DSCAM: variants seen among roughly 807,000 people sequenced by gnomAD.
The protein encoded by DSCAM is cell adhesion molecule DSCAM.
DSCAM carries 47 observed loss-of-function variants against 217.7 expected under a neutral mutation model. That is an observed-to-expected ratio of 0.22 (90% CI 0.17 to 0.28). The LOEUF (loss-of-function observed/expected upper bound fraction) is 0.28. DSCAM is among the 10% of genes least tolerant of loss of function. The probability of loss-of-function intolerance (pLI) is 1.00; values close to 1 mark genes in which losing one functional copy is unlikely to be tolerated. For synonymous variants in DSCAM, 1,056 were observed against 1,015.3 expected (o/e 1.04, Z -0.76); for missense variants, 2,080 against 2,618.3 (o/e 0.79, Z 4.49).
At chr21:40,369,345 G>T in intron 3 of DSCAM, 100 bp from the exon 4 acceptor site, 2 of 1,215,916 alleles carry the variant, frequency 1.6e-6, no homozygotes, top group South Asian at 3.3e-5. Context: ...CCCACCTGAA[G>T]AAACTTAATG....
intron 3 of DSCAM, among the ~76,000 whole-genome samples, chr21:40,647,898 T>C (rs912958683): frequency 6.6e-6 from 1 of 152,182 alleles, no homozygotes; most frequent in Non-Finnish European, 1.5e-5. Flanking sequence ...GATTCACCCA[T>C]GTGTCTTCCA....
At chr21:40,842,951 G>A (rs2092114948) in intron 1 of DSCAM, among the ~76,000 whole-genome samples, 1 of 152,118 alleles carries the variant, frequency 6.6e-6, no homozygotes. Context: ...TAAGTTAAAA[G>A]GCCTCGGAAT....
rs114268283 is a variant in DSCAM at position 40,296,613 on chromosome 21, C to T, written c.2063-439G>A. ...TTGGGAGTCCGAGGCAAGCAGATCA[C>T]CTGAGGCCTGGAGTTTGAGACCAGT... On this transcript the variant is annotated intron_variant, in intron 9 of 32. Transcript: ENST00000400454. Among the ~76,000 whole-genome samples, 1,088 of 152,160 alleles carry T rather than the reference C, an allele frequency of 7.2e-3. 11 individuals are homozygous for T. Among genetic ancestry groups the T allele is most frequent in the African/African-American group, 0.025 (1,029 of 41,504 alleles).
chr21:40,273,032 G>A (rs767625354), intron 11 of DSCAM, among the ~76,000 whole-genome samples: 1 of 152,110 alleles, frequency 6.6e-6, no homozygotes, highest in African/African-American at 2.4e-5. Flanking sequence ...GGGCCATGGA[G>A]GTCCTCTTTC....
chr21:40,608,405 C>T (rs2089270598), intron 3 of DSCAM, among the ~76,000 whole-genome samples: 1 of 152,096 alleles, frequency 6.6e-6, no homozygotes, highest in South Asian at 2.1e-4. Flanking sequence ...AAAAAGAAAC[C>T]GTGCCATTGT....
chr21:40,224,045 C>A (rs773625163), intron 11 of DSCAM, among the ~76,000 whole-genome samples: 6 of 152,172 alleles, frequency 3.9e-5, no homozygotes, highest in Non-Finnish European at 5.9e-5. Context: ...CTCAAAATAA[C>A]CCACAGTGTC....
At chr21:40,177,642 T>C (rs2090747862) in intron 15 of DSCAM, among the ~76,000 whole-genome samples, 1 of 152,218 alleles carries the variant, frequency 6.6e-6, no homozygotes, top group Non-Finnish European at 1.5e-5. Flanking sequence ...GCAAAAGACA[T>C]ACCACCAGGA....
chr21:40,085,891 A>T (rs989124372), intron 22 of DSCAM, 126 bp from the exon 23 acceptor site: 1 of 796,168 alleles, frequency 1.3e-6, no homozygotes, highest in Non-Finnish European at 1.8e-6. Flanking sequence ...TTCTTGCATT[A>T]TGAAAGAACT....
intron 2 of DSCAM, among the ~76,000 whole-genome samples, chr21:40,694,374 A>G (rs1315309258): frequency 6.6e-6 from 1 of 152,178 alleles, no homozygotes; most frequent in Admixed American, 6.5e-5. Context: ...AATGGTTTCA[A>G]AAGGTACTAA....
chr21:40,080,397 G>T, intron 24 of DSCAM, 57 bp from the exon 25 acceptor site: 1 of 1,390,376 alleles, frequency 7.2e-7, no homozygotes, highest in Non-Finnish European at 9.7e-7. Flanking sequence ...ATGGGAAGTG[G>T]ACTGATGCTT....
In DSCAM at chr21:40,481,218, G is replaced by A. The variant is rs557318162; in HGVS notation, c.509-111973C>T. ...AAGACCACAAGAACAGGCCGGGTGC[G>A]GTAGCTCACGCCTGTAATCCCAGCA... On this transcript the variant is annotated intron_variant, in intron 3 of 32. Transcript: ENST00000400454. 7.2e-5 allele frequency among the ~76,000 whole-genome samples: 11 copies of A among 152,240 alleles called. 1 individual carries two copies. Among genetic ancestry groups the A allele is most frequent in the Admixed American group, 5.2e-4 (8 of 15,298 alleles).
intron 3 of DSCAM, among the ~76,000 whole-genome samples, chr21:40,579,174 G>A (rs2076882531): frequency 6.6e-6 from 1 of 152,060 alleles, no homozygotes; most frequent in Admixed American, 6.6e-5. Flanking sequence ...GACCTGATGG[G>A]TCTGTGTTTT....
chr21:40,514,836 T>C (rs962187625), intron 3 of DSCAM, among the ~76,000 whole-genome samples: 1 of 152,192 alleles, frequency 6.6e-6, no homozygotes, highest in African/African-American at 2.4e-5. Flanking sequence ...CAATGAGCTC[T>C]TTAAAGGGAA....
chr21:40,421,918 T>C (rs1289769592), intron 3 of DSCAM, among the ~76,000 whole-genome samples: 1 of 152,238 alleles, frequency 6.6e-6, no homozygotes, highest in African/African-American at 2.4e-5. Flanking sequence ...CCTATAGGGC[T>C]GTGGTTTCCC....
intron 1 of DSCAM, among the ~76,000 whole-genome samples, chr21:40,830,437 C>T (rs925438754): frequency 6.6e-6 from 1 of 152,234 alleles, no homozygotes; most frequent in Admixed American, 6.5e-5. Context: ...GGAATTACAA[C>T]TGGACATGAG....
intron 32 of DSCAM, among the ~76,000 whole-genome samples, chr21:40,030,504 T>A (rs184126143): frequency 6.6e-6 from 1 of 152,174 alleles, no homozygotes; most frequent in Admixed American, 6.5e-5. Context: ...CTTCTGGTGG[T>A]CCAGAGAGCT....
intron 21 of DSCAM, among the ~76,000 whole-genome samples, chr21:40,092,384 A>T (rs1295775096): frequency 6.6e-6 from 1 of 152,214 alleles, no homozygotes; most frequent in Non-Finnish European, 1.5e-5. Flanking sequence ...TTATTTCAGC[A>T]GTCAGCCTCC....
In DSCAM at chr21:40,641,749, G is replaced by T. The variant is rs1010404563; in HGVS notation, c.508+51061C>A. 3.3e-5 allele frequency among the ~76,000 whole-genome samples: 5 copies of T among 152,204 alleles called. No individual in the cohort carries two copies. The East Asian group carries it at 9.7e-4, about 29-fold the overall frequency. ...AGAGCCTTACTACACACTGATAAAA[G>T]CCAAGTTAATATGTATTTCAAAGTT... is the stretch of plus-strand genomic sequence containing the variant. On this transcript the variant is annotated intron_variant, in intron 3 of 32. Transcript: ENST00000400454.
chr21:40,630,406 C>A (rs2089673889), intron 3 of DSCAM, among the ~76,000 whole-genome samples: 1 of 152,146 alleles, frequency 6.6e-6, no homozygotes, highest in African/African-American at 2.4e-5. Context: ...TCAAGAGATT[C>A]TCGTGCCTCA....
Sources: gnomAD v4.1 joint callset for allele counts (sites outside exome capture counted in the v4.1 genomes callset) on GRCh38, gnomAD v4.1.1 for gene constraint, MANE v1.5 for transcripts, NCBI Gene and HGNC (gene_info 2026-07-23, HGNC 2026-07-21) for gene names.